The following LHFPL6 variants were observed in gnomAD, a reference collection of about 807,000 sequenced individuals.
LHFPL6 encodes LHFPL tetraspan subfamily member 6.
A neutral mutation model predicts 20.6 loss-of-function variants in LHFPL6; 9 were observed. That is an observed-to-expected ratio of 0.44 (90% CI 0.26 to 0.76). LHFPL6 has a LOEUF of 0.76. Among genes scored for constraint, LHFPL6 ranks in the 30% least tolerant of loss-of-function variants. The pLI, the probability that LHFPL6 is intolerant of heterozygous loss-of-function variation, is 0.20. For missense variants in LHFPL6, 218 were observed against 253.5 expected, an observed-to-expected ratio of 0.86 and a Z score of 0.95; for synonymous variants, 105 against 98.7, an observed-to-expected ratio of 1.06 and a Z score of -0.38.
intron 2 of LHFPL6, among the ~76,000 whole-genome samples, chr13:39,472,615 T>C (rs914997520): frequency 2.0e-5 from 3 of 152,106 alleles, no homozygotes. Context: ...TTTAATTAAT[T>C]TTTTTGTGTG....
At chr13:39,420,026 A>G (rs1164091408) in intron 2 of LHFPL6, among the ~76,000 whole-genome samples, 2 of 152,152 alleles carry the variant, frequency 1.3e-5, no homozygotes, top group Non-Finnish European at 2.9e-5. Context: ...GTGTTCCTAG[A>G]AGGTCTGGAT....
intron 2 of LHFPL6, among the ~76,000 whole-genome samples, chr13:39,597,975 G>A (rs1018103806): frequency 4.6e-5 from 7 of 152,196 alleles, no homozygotes; most frequent in African/African-American, 1.7e-4. Flanking sequence ...TCTGTATTTT[G>A]CCATTCTCCT....
chr13:39,557,331 G>A (rs1871336773), intron 2 of LHFPL6, among the ~76,000 whole-genome samples: 1 of 152,234 alleles, frequency 6.6e-6, no homozygotes, highest in Non-Finnish European at 1.5e-5. Flanking sequence ...GCCATGTGGT[G>A]TTAAGCCTGT....
chr13:39,398,031 G>C (rs1012181730), intron 2 of LHFPL6, among the ~76,000 whole-genome samples: 2 of 152,108 alleles, frequency 1.3e-5, no homozygotes, highest in Non-Finnish European at 2.9e-5. Flanking sequence ...CCAAACTTTT[G>C]TTCACCACAC....
intron 3 of LHFPL6, among the ~76,000 whole-genome samples, chr13:39,367,944 T>G (rs1037512597): frequency 6.6e-6 from 1 of 152,226 alleles, no homozygotes; most frequent in Non-Finnish European, 1.5e-5. Flanking sequence ...AATTAAGTAT[T>G]AATAACATCT....
chr13:39,424,487 A>G (rs1871588163), intron 2 of LHFPL6, among the ~76,000 whole-genome samples: 1 of 152,210 alleles, frequency 6.6e-6, no homozygotes, highest in Non-Finnish European at 1.5e-5. Flanking sequence ...AATGTGGGCT[A>G]TGAAGGAAAC....
chr13:39,446,367 T>C (rs1313720414), intron 2 of LHFPL6, among the ~76,000 whole-genome samples: 5 of 152,218 alleles, frequency 3.3e-5, no homozygotes, highest in African/African-American at 4.8e-5. Context: ...AGAGGAATCA[T>C]TGAACAAACT....
At chr13:39,546,521 C>T (rs1870986582) in intron 2 of LHFPL6, among the ~76,000 whole-genome samples, 1 of 152,108 alleles carries the variant, frequency 6.6e-6, no homozygotes, top group Admixed American at 6.5e-5. Flanking sequence ...CTTGGGTCCA[C>T]CTGACCTAGT....
At chr13:39,348,936 T>C (rs1869484737) in intron 3 of LHFPL6, among the ~76,000 whole-genome samples, 1 of 152,246 alleles carries the variant, frequency 6.6e-6, no homozygotes, top group East Asian at 1.9e-4. Context: ...GCTAAATGTC[T>C]ATCAGATGAA....
At chr13:39,552,750 G>A (rs929406337) in intron 2 of LHFPL6, among the ~76,000 whole-genome samples, 1 of 152,252 alleles carries the variant, frequency 6.6e-6, no homozygotes, top group South Asian at 2.1e-4. Flanking sequence ...AACAGCCCAT[G>A]AAGCTTCTGA....
intron 2 of LHFPL6, among the ~76,000 whole-genome samples, chr13:39,481,855 G>A (rs964745888): frequency 2.6e-5 from 4 of 152,140 alleles, no homozygotes; most frequent in Non-Finnish European, 5.9e-5. Flanking sequence ...TAGAAGTGAA[G>A]TTTGAGGGAA....
At chr13:39,382,171 A>C (rs1186439820) in intron 2 of LHFPL6, among the ~76,000 whole-genome samples, 1 of 152,186 alleles carries the variant, frequency 6.6e-6, no homozygotes, top group Non-Finnish European at 1.5e-5. Flanking sequence ...TGTACCCTGC[A>C]CTACTCCGGA....
chr13:39,368,781 C>T (rs1324725285), intron 3 of LHFPL6, among the ~76,000 whole-genome samples: 1 of 152,124 alleles, frequency 6.6e-6, no homozygotes, highest in Non-Finnish European at 1.5e-5. Flanking sequence ...AATTGCAATG[C>T]AACAACAAAA....
intron 2 of LHFPL6, among the ~76,000 whole-genome samples, chr13:39,562,683 C>CATAT (rs112927123): frequency 6.7e-6 from 1 of 148,288 alleles, no homozygotes; most frequent in Non-Finnish European, 1.5e-5. Flanking sequence ...CATATATACA[C>CATAT]ACACACACAC....
At chr13:39,572,288 C>CTG (rs3222813) in intron 2 of LHFPL6, among the ~76,000 whole-genome samples, 25,553 of 143,238 alleles carry the variant, frequency 0.18, 2,187 homozygotes, top group Middle Eastern at 0.25. Flanking sequence ...TTTTTAAACT[C>CTG]TGTGTGTGTG....
chr13:39,521,403 A>G (rs960704880), intron 2 of LHFPL6, among the ~76,000 whole-genome samples: 1 of 152,248 alleles, frequency 6.6e-6, no homozygotes, highest in Admixed American at 6.5e-5. Flanking sequence ...CATTTGCTGT[A>G]TGTGCATTAC....
intron 2 of LHFPL6, among the ~76,000 whole-genome samples, chr13:39,563,476 T>C (rs1452417397): frequency 6.6e-6 from 1 of 152,190 alleles, no homozygotes; most frequent in Non-Finnish European, 1.5e-5. Flanking sequence ...AAGTGACTTA[T>C]ACAGATCAAA....
At chr13:39,452,794 G>T (rs2138422378) in intron 2 of LHFPL6, among the ~76,000 whole-genome samples, 1 of 152,340 alleles carries the variant, frequency 6.6e-6, no homozygotes, top group East Asian at 1.9e-4. Flanking sequence ...TCCATTGATA[G>T]TATTATTGGG....
chr13:39,479,009 T>C (rs1416630067), intron 2 of LHFPL6, among the ~76,000 whole-genome samples: 3 of 150,640 alleles, frequency 2.0e-5, no homozygotes, highest in African/African-American at 7.3e-5. Flanking sequence ...TTATTATATA[T>C]AATGAAGCAC....
Sources: gnomAD v4.1 joint callset for allele counts (sites outside exome capture counted in the v4.1 genomes callset) on GRCh38, gnomAD v4.1.1 for gene constraint, MANE v1.5 for transcripts, NCBI Gene and HGNC (gene_info 2026-07-23, HGNC 2026-07-21) for gene names.